NRG1: variants seen among roughly 807,000 people sequenced by gnomAD.
NRG1 encodes pro-neuregulin-1, membrane-bound isoform.
NRG1 carries 18 observed loss-of-function variants against 63.8 expected under a neutral mutation model. The observed-to-expected ratio is 0.28, with a 90% CI of 0.19 to 0.42. The LOEUF is 0.42. Among genes scored for constraint, NRG1 ranks in the 10% least tolerant of loss-of-function variants. NRG1 has a pLI of 1.00. For missense variants in NRG1, 762 were observed against 814.7 expected (o/e 0.94, Z 0.79); for synonymous variants, 302 against 301.3 (o/e 1.00, Z -0.02).
At chr8:31,944,393 G>A (rs1802224837) in intron 1 of NRG1, among the ~76,000 whole-genome samples, 1 of 152,128 alleles carries the variant, frequency 6.6e-6, no homozygotes, top group African/African-American at 2.4e-5. Context: ...TGAAAAGAAC[G>A]ATATGCAGAG....
At position 31,654,326 on chromosome 8, in the gene NRG1, A is replaced by T. The variant is rs150829488; in HGVS notation, c.37+14895A>T. 3.9e-5 allele frequency among the ~76,000 whole-genome samples: 6 copies of T among 152,338 alleles called. No individual in the cohort carries two copies. The East Asian group carries it at 1.2e-3, about 29-fold the overall frequency. On this transcript the variant is annotated intron_variant, in intron 1 of 10. Coordinates refer to the NRG1 transcript ENST00000519301. ...AATAGAACCAGTTCATCCCAGGTGA[A>T]TAGAGATAATGAATGGGTTTGAAGC...
At chr8:32,309,632 C>T (rs1248608220) in intron 1 of NRG1, among the ~76,000 whole-genome samples, 2 of 151,928 alleles carry the variant, frequency 1.3e-5, no homozygotes, top group East Asian at 3.9e-4. Flanking sequence ...TGTTTTTTTT[C>T]TTTAAATACC....
chr8:32,547,327 A>T (rs1833177435), upstream of NRG1, among the ~76,000 whole-genome samples: 1 of 152,120 alleles, frequency 6.6e-6, no homozygotes, highest in Admixed American at 6.6e-5. Flanking sequence ...TGAATCTGAG[A>T]AACCCCACAT....
chr8:32,406,562 T>C (rs1814018801), intron 1 of NRG1, among the ~76,000 whole-genome samples: 1 of 9,764 alleles, frequency 1.0e-4, no homozygotes, highest in South Asian at 0.25. Flanking sequence ...ATTTATTTAA[T>C]GGAATTATTT....
At chr8:31,970,241 A>G (rs1354637014) in intron 1 of NRG1, among the ~76,000 whole-genome samples, 1 of 152,126 alleles carries the variant, frequency 6.6e-6, no homozygotes, top group Non-Finnish European at 1.5e-5. Flanking sequence ...ATAGATTACA[A>G]CCATTTTCAG....
intron 1 of NRG1, among the ~76,000 whole-genome samples, chr8:31,941,781 C>T (rs1191605020): frequency 2.0e-5 from 3 of 152,050 alleles, no homozygotes; most frequent in African/African-American, 7.2e-5. Context: ...AGAACTCAAC[C>T]CCTTTCACAA....
At chr8:32,680,872 C>G (rs1423144128) in intron 5 of NRG1, among the ~76,000 whole-genome samples, 8 of 151,710 alleles carry the variant, frequency 5.3e-5, no homozygotes. Flanking sequence ...AATGAATGAC[C>G]TAGGTATTTT....
intron 1 of NRG1, among the ~76,000 whole-genome samples, chr8:32,206,179 A>G (rs1001179120): frequency 6.6e-5 from 10 of 152,162 alleles, no homozygotes; most frequent in Admixed American, 2.6e-4. Context: ...GATGATGGAA[A>G]AGCACCTTGT....
At chr8:32,755,880 C>A (rs568520871) in intron 8 of NRG1, among the ~76,000 whole-genome samples, 1 of 151,838 alleles carries the variant, frequency 6.6e-6, no homozygotes, top group African/African-American at 2.4e-5. Flanking sequence ...GTAGCTGGGA[C>A]GACAGGTGCA....
Position 32,370,972 on chromosome 8 carries a change from G to A in NRG1, c.38-224856G>A, listed in dbSNP as rs181919773. 4.5e-3 allele frequency among the ~76,000 whole-genome samples: 679 copies of A among 151,676 alleles called. 6 individuals are homozygous for A. Among genetic ancestry groups the A allele is most frequent in the African/African-American group, 0.016 (641 of 41,348 alleles). ...CATGCCTGCAATCCTAGCACTTTAG[G>A]AGGCTGAGGCAGGTGAATCACCTGA... On this transcript the variant is annotated intron_variant, in intron 1 of 10. Transcript: ENST00000519301.
chr8:31,775,031 G>A (rs1453052925), intron 1 of NRG1, among the ~76,000 whole-genome samples: 1 of 152,016 alleles, frequency 6.6e-6, no homozygotes, highest in Non-Finnish European at 1.5e-5. Context: ...AAACAGTGTG[G>A]AGATTTCTCA....
At chr8:31,744,028 A>AT (rs34499093) in intron 1 of NRG1, among the ~76,000 whole-genome samples, 9 of 152,026 alleles carry the variant, frequency 5.9e-5, no homozygotes, top group East Asian at 1.9e-4. Context: ...AAATTGAAAG[A>AT]TTTTTTTCTG....
At chr8:32,269,587 C>G (rs1851340100) in intron 1 of NRG1, among the ~76,000 whole-genome samples, 1 of 152,078 alleles carries the variant, frequency 6.6e-6, no homozygotes, top group Admixed American at 6.6e-5. Flanking sequence ...TGGGAAATTC[C>G]AGAATTCTAT....
intron 1 of NRG1, among the ~76,000 whole-genome samples, chr8:32,112,255 G>T (rs1832126631): frequency 6.6e-6 from 1 of 152,168 alleles, no homozygotes. Context: ...CCTGCCAAGT[G>T]GTTTTGCTTC....
chr8:32,674,586 A>T (rs1308655737), intron 5 of NRG1, among the ~76,000 whole-genome samples: 1 of 152,234 alleles, frequency 6.6e-6, no homozygotes, highest in African/African-American at 2.4e-5. Context: ...CTCTTTTTAG[A>T]GCAGCTGATA....
chr8:32,346,202 T>G (rs956395445), intron 1 of NRG1, among the ~76,000 whole-genome samples: 4 of 147,490 alleles, frequency 2.7e-5, no homozygotes, highest in East Asian at 2.0e-4. Flanking sequence ...GTTATATATG[T>G]AGATGAATAG....
intron 9 of NRG1, among the ~76,000 whole-genome samples, chr8:32,758,441 G>A (rs549790207): frequency 6.6e-6 from 1 of 152,080 alleles, no homozygotes; most frequent in African/African-American, 2.4e-5. Context: ...GCTGGGCATG[G>A]TGGCATATGC....
intron 1 of NRG1, among the ~76,000 whole-genome samples, chr8:31,833,862 TAACAG>T (rs1162758268): frequency 6.6e-6 from 1 of 152,202 alleles, no homozygotes; most frequent in Non-Finnish European, 1.5e-5. Flanking sequence ...GCTCAAATTT[TAACAG>T]AAGTTTTTCT....
In NRG1 at chr8:32,632,913, A is replaced by G. The variant is rs534341889; in HGVS notation, c.502+16028A>G. On this transcript the variant is annotated intron_variant, in intron 5 of 11. Coordinates refer to ENST00000356819, the Ensembl canonical transcript of NRG1. The stretch of plus-strand genomic sequence containing the variant: ...TGGGTTGTTATCAGGACTCATGTTT[A>G]GTCAAAATGTTTAACACTTATTTCT... Among the ~76,000 whole-genome samples the G allele has an allele frequency of 2.6e-5, 4 of 152,320 alleles. No individual in the cohort carries two copies. The South Asian group carries it at 8.3e-4, about 32-fold the overall frequency.
Sources: allele counts gnomAD v4.1 joint callset (sites outside exome capture counted in the v4.1 genomes callset), GRCh38; gene constraint gnomAD v4.1.1; transcripts MANE v1.5; gene names NCBI Gene and HGNC (gene_info 2026-07-23, HGNC 2026-07-21).